Variants in SGCZ observed in about 807,000 individuals in gnomAD.
The protein encoded by SGCZ is zeta-sarcoglycan.
In SGCZ, 40 loss-of-function variants were observed where a neutral mutation model predicts 41.3. The observed-to-expected ratio is 0.97, with a 90% CI of 0.75 to 1.26. SGCZ has a LOEUF of 1.26. SGCZ is among the 50% of genes most tolerant of loss of function. SGCZ has a pLI of 0.00. For missense variants in SGCZ, 552 were observed against 369.8 expected, an observed-to-expected ratio of 1.49 and a Z score of -4.04; for synonymous variants, 206 against 137.5, an observed-to-expected ratio of 1.50 and a Z score of -3.49.
chr8:14,762,578 A>G (rs1799921699), intron 1 of SGCZ, among the ~76,000 whole-genome samples: 1 of 152,228 alleles, frequency 6.6e-6, no homozygotes, highest in Non-Finnish European at 1.5e-5. Flanking sequence ...AATTGAAAAC[A>G]AATGAAATCA....
chr8:14,489,096 T>C (rs2117024075), intron 2 of SGCZ, among the ~76,000 whole-genome samples: 1 of 151,922 alleles, frequency 6.6e-6, no homozygotes, highest in Non-Finnish European at 1.5e-5. Flanking sequence ...TTTCAGGCTT[T>C]TAATTTTATT....
chr8:14,311,161 A>G (rs192712252), intron 3 of SGCZ, among the ~76,000 whole-genome samples: 3 of 152,276 alleles, frequency 2.0e-5, no homozygotes, highest in East Asian at 3.9e-4. Flanking sequence ...CCATATAGAA[A>G]CATACAAGGT....
intron 1 of SGCZ, among the ~76,000 whole-genome samples, chr8:15,046,468 T>C (rs1804304416): frequency 6.6e-6 from 1 of 152,066 alleles, no homozygotes; most frequent in Non-Finnish European, 1.5e-5. Context: ...ATCTTGATGC[T>C]AAAATTATTC....
chr8:14,953,075 G>A (rs73517397), intron 1 of SGCZ, among the ~76,000 whole-genome samples: 16,837 of 152,076 alleles, frequency 0.11, 1,153 homozygotes, highest in African/African-American at 0.18. Context: ...TCAGACGTTT[G>A]TGTGTGTTTT....
At chr8:15,147,399 C>T (rs1190724161) in intron 1 of SGCZ, among the ~76,000 whole-genome samples, 1 of 152,172 alleles carries the variant, frequency 6.6e-6, no homozygotes, top group Non-Finnish European at 1.5e-5. Flanking sequence ...CTGCCTCAGC[C>T]TCCCGAGTAA....
chr8:15,117,132 G>C (rs1358560414), intron 1 of SGCZ, among the ~76,000 whole-genome samples: 1 of 152,152 alleles, frequency 6.6e-6, no homozygotes, highest in Non-Finnish European at 1.5e-5. Flanking sequence ...AGCATTTTGG[G>C]AGGCCAAGGC....
At chr8:14,193,675 G>A (rs939781209) in intron 4 of SGCZ, among the ~76,000 whole-genome samples, 8 of 151,968 alleles carry the variant, frequency 5.3e-5, no homozygotes, top group African/African-American at 1.9e-4. Flanking sequence ...TCTAACAATA[G>A]CTGAGTATAT....
At chr8:14,686,765 T>C (rs1808624747) in intron 1 of SGCZ, among the ~76,000 whole-genome samples, 1 of 152,090 alleles carries the variant, frequency 6.6e-6, no homozygotes, top group South Asian at 2.1e-4. Flanking sequence ...TTGAATATGA[T>C]AAATATGTAA....
At chr8:15,128,371 T>G (rs1309715010) in intron 1 of SGCZ, among the ~76,000 whole-genome samples, 1 of 152,252 alleles carries the variant, frequency 6.6e-6, no homozygotes, top group Non-Finnish European at 1.5e-5. Flanking sequence ...AGGAATGAAG[T>G]CTTGTCTCTG....
chr8:14,999,685 C>T (rs965276309), intron 1 of SGCZ, among the ~76,000 whole-genome samples: 10 of 152,280 alleles, frequency 6.6e-5, no homozygotes, highest in African/African-American at 2.2e-4. Context: ...AGGACCCTTA[C>T]TCCGGAGCTT....
At chr8:15,103,340 G>A (rs904434380) in intron 1 of SGCZ, among the ~76,000 whole-genome samples, 8 of 152,072 alleles carry the variant, frequency 5.3e-5, no homozygotes, top group African/African-American at 1.9e-4. Context: ...GGCAGAGGCT[G>A]CAGTGAGCAG....
chr8:14,413,033 T>G (rs1357397844), intron 2 of SGCZ, among the ~76,000 whole-genome samples: 1 of 151,994 alleles, frequency 6.6e-6, no homozygotes, highest in Non-Finnish European at 1.5e-5. Context: ...CTCCAAAATT[T>G]TAAGACAAAA....
intron 2 of SGCZ, among the ~76,000 whole-genome samples, chr8:14,443,310 C>T (rs903790529): frequency 1.9e-4 from 29 of 152,266 alleles, no homozygotes; most frequent in African/African-American, 7.0e-4. Context: ...GAAAAAACGA[C>T]TTTAAAGTTC....
chr8:15,083,995 T>G (rs1805859145), intron 1 of SGCZ, among the ~76,000 whole-genome samples: 1 of 152,220 alleles, frequency 6.6e-6, no homozygotes. Context: ...TGCAAAAAAT[T>G]AATGTACTCA....
chr8:14,198,922 G>C (rs1340745376), intron 4 of SGCZ, among the ~76,000 whole-genome samples: 3 of 152,076 alleles, frequency 2.0e-5, no homozygotes, highest in African/African-American at 7.2e-5. Flanking sequence ...TCTTAATCCT[G>C]TCATCTTCGT....
At chr8:14,619,271 G>T (rs1047618588) in intron 1 of SGCZ, among the ~76,000 whole-genome samples, 12 of 152,016 alleles carry the variant, frequency 7.9e-5, no homozygotes, top group African/African-American at 2.9e-4. Context: ...AATAAATTAG[G>T]TATTGATGGG....
Position 14,316,756 on chromosome 8 carries a change from A to T in SGCZ, c.336+7347T>A, listed in dbSNP as rs536904476. Among the ~76,000 whole-genome samples the T allele has an allele frequency of 2.0e-4, 30 of 151,708 alleles. No individual in the cohort carries two copies. The South Asian group carries it at 6.2e-3, about 32-fold the overall frequency. ...CAACGATTCATTCCACGGAAATCTT[A>T]TAATTCCCATCTATTCTTACTTCCT... On this transcript the variant is annotated intron_variant, in intron 3 of 7. Transcript: ENST00000382080.
intron 1 of SGCZ, among the ~76,000 whole-genome samples, chr8:14,676,900 G>T (rs1199788567): frequency 6.6e-6 from 1 of 152,054 alleles, no homozygotes; most frequent in South Asian, 2.1e-4. Flanking sequence ...CAAAGATAAG[G>T]AATAAGGTAA....
intron 1 of SGCZ, among the ~76,000 whole-genome samples, chr8:15,083,382 T>A (rs939853979): frequency 6.6e-6 from 1 of 152,172 alleles, no homozygotes; most frequent in Non-Finnish European, 1.5e-5. Flanking sequence ...TAGCCTAAAC[T>A]TTTTTCATTA....
Sources: gnomAD v4.1 joint callset for allele counts (sites outside exome capture counted in the v4.1 genomes callset) on GRCh38, gnomAD v4.1.1 for gene constraint, MANE v1.5 for transcripts, NCBI Gene and HGNC (gene_info 2026-07-23, HGNC 2026-07-21) for gene names.